GNG12: variants seen among roughly 807,000 people sequenced by gnomAD.
GNG12 encodes guanine nucleotide-binding protein G(I)/G(S)/G(O) subunit gamma-12.
For synonymous variants in GNG12, 28 were observed against 29.7 expected (o/e 0.94, Z 0.19); for missense variants, 69 against 83.8 (o/e 0.82, Z 0.69).
chr1:67,754,393 G>T (rs1187598185), intron 2 of GNG12, among the ~76,000 whole-genome samples: 1 of 152,120 alleles, frequency 6.6e-6, no homozygotes, highest in African/African-American at 2.4e-5. Context: ...AGACACCCCA[G>T]AGTCGTTCTG....
At chr1:67,823,710 C>T (rs1217158737) in intron 1 of GNG12, among the ~76,000 whole-genome samples, 1 of 152,196 alleles carries the variant, frequency 6.6e-6, no homozygotes, top group Non-Finnish European at 1.5e-5. Context: ...ACATCCAATA[C>T]ATTCCTGATG....
intron 2 of GNG12, among the ~76,000 whole-genome samples, chr1:67,756,135 G>A (rs1381792453): frequency 1.3e-5 from 2 of 152,144 alleles, no homozygotes; most frequent in South Asian, 2.1e-4. Context: ...CTTCAAAAGA[G>A]TGCAGTAAAT....
At chr1:67,817,813 G>A (rs1300986437) in intron 1 of GNG12, among the ~76,000 whole-genome samples, 1 of 94,866 alleles carries the variant, frequency 1.1e-5, no homozygotes, top group Non-Finnish European at 2.0e-5. Context: ...TTTTTGCGAT[G>A]TCTCATTCTG....
chr1:67,764,611 G>C (rs908370544), intron 2 of GNG12, among the ~76,000 whole-genome samples: 1 of 152,198 alleles, frequency 6.6e-6, no homozygotes, highest in Non-Finnish European at 1.5e-5. Context: ...CTCAACACTA[G>C]ATTAATGGCC....
At chr1:67,738,548 C>T (rs544781026) in intron 2 of GNG12, among the ~76,000 whole-genome samples, 4 of 152,272 alleles carry the variant, frequency 2.6e-5, no homozygotes, top group Non-Finnish European at 4.4e-5. Context: ...TCTACCTGAC[C>T]TCTCAACATT....
chr1:67,803,614 A>G (rs1354451842), intron 1 of GNG12, among the ~76,000 whole-genome samples: 1 of 152,214 alleles, frequency 6.6e-6, no homozygotes, highest in Non-Finnish European at 1.5e-5. Flanking sequence ...CCCTGTGTTA[A>G]GTGCTTTGCG....
At chr1:67,774,159 T>C (rs1022873632) in intron 2 of GNG12, among the ~76,000 whole-genome samples, 2 of 152,204 alleles carry the variant, frequency 1.3e-5, no homozygotes, top group African/African-American at 4.8e-5. Flanking sequence ...TGTGCTTTTA[T>C]CTTCCAGCCA....
intron 2 of GNG12, among the ~76,000 whole-genome samples, chr1:67,750,148 C>A (rs1363075302): frequency 6.6e-6 from 1 of 152,198 alleles, no homozygotes; most frequent in African/African-American, 2.4e-5. Context: ...TAAGGTAATA[C>A]CACATGCCAT....
intron 2 of GNG12, among the ~76,000 whole-genome samples, chr1:67,708,059 G>A (rs1570472769): frequency 6.6e-6 from 1 of 152,240 alleles, no homozygotes; most frequent in East Asian, 1.9e-4. Context: ...GCAAAAGTGA[G>A]CATTTGCTAT....
intron 2 of GNG12, among the ~76,000 whole-genome samples, chr1:67,734,579 G>A (rs1198322645): frequency 3.3e-5 from 5 of 152,256 alleles, no homozygotes; most frequent in Middle Eastern, 3.4e-3. Flanking sequence ...TTGAACCTAC[G>A]TACTCTCTGG....
At chr1:67,810,429 A>G (rs906605406) in intron 1 of GNG12, among the ~76,000 whole-genome samples, 1 of 152,234 alleles carries the variant, frequency 6.6e-6, no homozygotes, top group Non-Finnish European at 1.5e-5. Context: ...TGATGTGTCA[A>G]CTTAGGTTCA....
intron 1 of GNG12, among the ~76,000 whole-genome samples, chr1:67,823,172 T>A (rs1447424799): frequency 7.2e-5 from 11 of 152,164 alleles, no homozygotes; most frequent in Non-Finnish European, 1.0e-4. Flanking sequence ...ACAGTGCAAG[T>A]GGAAAATTCT....
chr1:67,782,133 T>C (rs1646740905), intron 1 of GNG12, among the ~76,000 whole-genome samples: 1 of 152,198 alleles, frequency 6.6e-6, no homozygotes, highest in East Asian at 1.9e-4. Flanking sequence ...AAAAGGGCTT[T>C]TGACACACAT....
chr1:67,709,983 TATA>T (rs1646277712), intron 2 of GNG12, among the ~76,000 whole-genome samples: 2 of 48,794 alleles, frequency 4.1e-5, no homozygotes, highest in Non-Finnish European at 7.5e-5. Context: ...GTTATATATA[TATA>T]GTTATATATA....
intron 2 of GNG12, among the ~76,000 whole-genome samples, chr1:67,752,742 T>C (rs546043012): frequency 6.6e-6 from 1 of 152,254 alleles, no homozygotes; most frequent in Non-Finnish European, 1.5e-5. Flanking sequence ...TAACTGACAG[T>C]TGACTAAGGT....
chr1:67,745,416 T>G (rs1646502567), intron 2 of GNG12, among the ~76,000 whole-genome samples: 1 of 152,222 alleles, frequency 6.6e-6, no homozygotes, highest in Non-Finnish European at 1.5e-5. Flanking sequence ...GCCCTGCTTC[T>G]TCCCAGGTGG....
intron 1 of GNG12, among the ~76,000 whole-genome samples, chr1:67,781,238 C>G (rs773834092): frequency 7.2e-5 from 11 of 152,180 alleles, no homozygotes; most frequent in Non-Finnish European, 1.0e-4. Context: ...GTAAAAGAAT[C>G]CACTAGCTTC....
rs534107020 is a variant in GNG12, at chr1:67,832,767, C to T, written c.-77+577G>A. On this transcript the variant is annotated intron_variant, in intron 1 of 3. Coordinates refer to ENST00000370982, the MANE Select transcript of GNG12 (RefSeq NM_018841.6). ...TGCGACCCGCTATTTCCCTGCTAGA[C>T]CCCCAGCGCCCAGCGGATTCCAAGG... is the stretch of plus-strand genomic sequence containing the variant. Among the ~76,000 whole-genome samples the T allele has an allele frequency of 6.2e-4, 94 of 152,304 alleles. 1 individual carries two copies. Among genetic ancestry groups the T allele is most frequent in the African/African-American group, 2.2e-3 (92 of 41,584 alleles).
chr1:67,709,369 G>A (rs114029094), intron 2 of GNG12, among the ~76,000 whole-genome samples: 2,318 of 152,238 alleles, frequency 0.015, 25 homozygotes, highest in Non-Finnish European at 0.024. Flanking sequence ...TTGATTGAGC[G>A]GGTATGGGTG....
Sources: allele counts gnomAD v4.1 joint callset (sites outside exome capture counted in the v4.1 genomes callset), GRCh38; gene constraint gnomAD v4.1.1; transcripts MANE v1.5; gene names NCBI Gene and HGNC (gene_info 2026-07-23, HGNC 2026-07-21).